Variants in FSTL4 observed in about 807,000 individuals in gnomAD.
The protein encoded by FSTL4 is follistatin like 4, also known as follistatin-related protein 4.
A neutral mutation model predicts 78.2 loss-of-function variants in FSTL4; 28 were observed. The observed-to-expected ratio is 0.36, with a 90% CI of 0.27 to 0.49. The LOEUF is 0.49. Ranked by LOEUF, FSTL4 falls within the 20% of genes least tolerant of loss-of-function variation. The pLI, the probability that FSTL4 is intolerant of heterozygous loss-of-function variation, is 0.98. For synonymous variants in FSTL4, 422 were observed against 440.5 expected, an observed-to-expected ratio of 0.96 and a Z score of 0.53; for missense variants, 922 against 1,084.9, an observed-to-expected ratio of 0.85 and a Z score of 2.11.
the FSTL4 span, among the ~76,000 whole-genome samples, chr5:133,657,859 C>A: frequency 1.3e-5 from 2 of 150,414 alleles, no homozygotes; most frequent in African/African-American, 4.9e-5. Context: ...GACACCTGGG[C>A]TCCCTTAAAG....
chr5:133,211,426 C>A (rs1750709092), intron 13 of FSTL4, among the ~76,000 whole-genome samples: 1 of 152,102 alleles, frequency 6.6e-6, no homozygotes. Flanking sequence ...TTTCTTAGTT[C>A]CTTCTTGGTT....
At chr5:133,393,554 C>A (rs146051855) in intron 4 of FSTL4, among the ~76,000 whole-genome samples, 1 of 152,172 alleles carries the variant, frequency 6.6e-6, no homozygotes, top group Admixed American at 6.5e-5. Context: ...AGAACAACAG[C>A]GGCTACTGGA....
At chr5:133,293,233 C>A (rs962539290) in intron 6 of FSTL4, among the ~76,000 whole-genome samples, 7 of 152,250 alleles carry the variant, frequency 4.6e-5, no homozygotes. Context: ...CGCCACCCCA[C>A]GCAAGGGCCA....
At chr5:133,317,054 T>C (rs1447524587) in intron 4 of FSTL4, among the ~76,000 whole-genome samples, 1 of 152,172 alleles carries the variant, frequency 6.6e-6, no homozygotes, top group Non-Finnish European at 1.5e-5. Flanking sequence ...GCCTTAATCC[T>C]ACCTTAAAGG....
At chr5:133,357,941 G>T (rs1429483456) in intron 4 of FSTL4, among the ~76,000 whole-genome samples, 1 of 152,220 alleles carries the variant, frequency 6.6e-6, no homozygotes, top group African/African-American at 2.4e-5. Flanking sequence ...GTCAGTGCTG[G>T]TGCCCACTCA....
intron 4 of FSTL4, among the ~76,000 whole-genome samples, chr5:133,343,515 G>A (rs1048105163): frequency 6.6e-6 from 1 of 152,200 alleles, no homozygotes; most frequent in African/African-American, 2.4e-5. Flanking sequence ...TGGGGCTTGA[G>A]AATCTTAGGT....
chr5:133,527,499 A>ACACACACACC (rs1554068701), intron 3 of FSTL4, among the ~76,000 whole-genome samples: 1 of 83,102 alleles, frequency 1.2e-5, no homozygotes, highest in African/African-American at 3.2e-5. Flanking sequence ...ACACACACAC[A>ACACACACACC]CACCCATAAG....
At chr5:133,701,380 G>T in the FSTL4 span, among the ~76,000 whole-genome samples, 1 of 138,304 alleles carries the variant, frequency 7.2e-6, no homozygotes, top group East Asian at 2.1e-4. Context: ...TCCAGCCCGG[G>T]CAATAGAGGA....
At chr5:133,660,306 G>T in the FSTL4 span, among the ~76,000 whole-genome samples, 2,702 of 152,296 alleles carry the variant, frequency 0.018, 39 homozygotes, top group South Asian at 0.061. Flanking sequence ...ACAGAGTAGA[G>T]GAAGCATAGG....
the FSTL4 span, among the ~76,000 whole-genome samples, chr5:133,835,373 G>A: frequency 1.3e-5 from 2 of 152,156 alleles, no homozygotes; most frequent in Non-Finnish European, 2.9e-5. Flanking sequence ...TTTGCTGACT[G>A]ATATAAAATA....
chr5:133,747,507 C>T, the FSTL4 span, among the ~76,000 whole-genome samples: 1 of 152,058 alleles, frequency 6.6e-6, no homozygotes, highest in East Asian at 1.9e-4. Flanking sequence ...CTCCCAGATT[C>T]AATGCTCACA....
chr5:133,372,578 A>G (rs1236920327), intron 4 of FSTL4, among the ~76,000 whole-genome samples: 1 of 152,194 alleles, frequency 6.6e-6, no homozygotes, highest in African/African-American at 2.4e-5. Context: ...CAATGAGGAC[A>G]ACCACAATTC....
the FSTL4 span, among the ~76,000 whole-genome samples, chr5:133,797,371 A>C: frequency 5.3e-5 from 8 of 152,256 alleles, no homozygotes; most frequent in Admixed American, 3.9e-4. Flanking sequence ...GTTTTGAATT[A>C]AGATAAGGAT....
the FSTL4 span, among the ~76,000 whole-genome samples, chr5:133,645,061 C>A: frequency 1.3e-5 from 2 of 152,092 alleles, no homozygotes; most frequent in East Asian, 1.9e-4. Flanking sequence ...CCTCATGACC[C>A]TTTGGTTTTT....
the FSTL4 span, among the ~76,000 whole-genome samples, chr5:133,701,509 A>ACACACACACCCCC: frequency 3.8e-4 from 50 of 132,694 alleles, no homozygotes; most frequent in Admixed American, 1.2e-3. Flanking sequence ...ACACACACAC[A>ACACACACACCCCC]CCCCACAGGC....
chr5:133,608,067 A>T (rs1338439444), intron 1 of FSTL4, among the ~76,000 whole-genome samples: 1 of 152,200 alleles, frequency 6.6e-6, no homozygotes, highest in Non-Finnish European at 1.5e-5. Context: ...AAATAGTCCT[A>T]CTGGCCTTCA....
chr5:133,671,435 A>G, the FSTL4 span, among the ~76,000 whole-genome samples: 1 of 152,238 alleles, frequency 6.6e-6, no homozygotes, highest in African/African-American at 2.4e-5. Flanking sequence ...AGGTAAAACT[A>G]AAGGTTAGAG....
Position 133,233,528 on chromosome 5 carries a change from C to T in FSTL4, c.904G>A (p.Glu302Lys), listed in dbSNP as rs1461634204. The T allele has an allele frequency of 2.5e-5, 40 of 1,613,632 alleles. No individual in the cohort carries two copies. The highest frequency in any genetic ancestry group is 3.4e-5 in the Non-Finnish European group (40 of 1,179,970). Residue 302 changes from glutamate to lysine, a missense_variant, in exon 8 of 16, where the codon GAG (glutamate) becomes AAG (lysine). Coordinates refer to ENST00000265342, the MANE Select transcript of FSTL4 (RefSeq NM_015082.2). ...LDLEDINDFGEDDSLYITKVT... is the reference protein window; with the variant it reads ...LDLEDINDFGKDDSLYITKVT... ...TTGGTGATGTACAGGGAATCATCCT[C>T]TCCAAAGTCCTGCACAGGGCAAAGA... is the stretch of plus-strand genomic sequence containing the variant.
the FSTL4 span, among the ~76,000 whole-genome samples, chr5:133,839,530 T>C: frequency 7.1e-6 from 1 of 140,872 alleles, no homozygotes; most frequent in Non-Finnish European, 1.6e-5. Flanking sequence ...AGAAAGTGGG[T>C]TGAGGGGCTA....
Sources: gnomAD v4.1 joint callset for allele counts (sites outside exome capture counted in the v4.1 genomes callset) on GRCh38, gnomAD v4.1.1 for gene constraint, MANE v1.5 for transcripts, NCBI Gene and HGNC (gene_info 2026-07-23, HGNC 2026-07-21) for gene names.